NALF1: variants seen among roughly 807,000 people sequenced by gnomAD.
NALF1 encodes family with sequence similarity 155 member A.
NALF1 carries 3 observed loss-of-function variants against 48.4 expected under a neutral mutation model. The observed-to-expected ratio is 0.06, with a 90% CI of 0.03 to 0.16. The LOEUF (loss-of-function observed/expected upper bound fraction) is 0.16. Among genes scored for constraint, NALF1 ranks in the 10% least tolerant of loss-of-function variants. The pLI is 1.00. For missense variants in NALF1, 526 were observed against 571.5 expected, an observed-to-expected ratio of 0.92 and a Z score of 0.81; for synonymous variants, 262 against 245.7, an observed-to-expected ratio of 1.07 and a Z score of -0.62.
intron 1 of NALF1, among the ~76,000 whole-genome samples, chr13:107,525,410 T>G (rs904834578): frequency 1.3e-5 from 2 of 152,268 alleles, no homozygotes; most frequent in East Asian, 3.9e-4. Context: ...AGGATATGCC[T>G]TTGAGATTCA....
At chr13:107,459,753 T>C (rs1884887071) in intron 1 of NALF1, among the ~76,000 whole-genome samples, 1 of 152,086 alleles carries the variant, frequency 6.6e-6, no homozygotes, top group Non-Finnish European at 1.5e-5. Flanking sequence ...TATTTTTTAT[T>C]TTCTTGAGTC....
chr13:107,745,227 A>T (rs1474488541), intron 1 of NALF1, among the ~76,000 whole-genome samples: 1 of 152,246 alleles, frequency 6.6e-6, no homozygotes, highest in East Asian at 1.9e-4. Flanking sequence ...AAGCACCTGT[A>T]GAAAGTGACA....
At chr13:107,225,160 C>A (rs565284442) in intron 1 of NALF1, among the ~76,000 whole-genome samples, 4 of 152,124 alleles carry the variant, frequency 2.6e-5, no homozygotes, top group East Asian at 3.9e-4. Context: ...AGGCACGCAC[C>A]ACCACACCTG....
intron 2 of NALF1, among the ~76,000 whole-genome samples, chr13:107,184,618 A>G (rs1879134687): frequency 6.6e-6 from 1 of 151,786 alleles, no homozygotes; most frequent in African/African-American, 2.4e-5. Context: ...ATCTAAATTC[A>G]TTTTCATGTT....
In NALF1 at chr13:107,867,060, C is replaced by G. The variant is rs967227851; in HGVS notation, c.-464G>C. On this transcript the variant is annotated 5_prime_UTR_variant, in exon 1 of 3. Coordinates refer to ENST00000375915, the MANE Select transcript of NALF1 (RefSeq NM_001080396.3). The surrounding 1 kb of genome is among the most constrained non-coding windows in gnomAD (Gnocchi z 4.4). ...CCCCATGGCCCCGCGGAGCCCAGCC[C>G]GCTCTCCCCTGCCAGGGGCATGCCG... 5.3e-5 allele frequency among the ~76,000 whole-genome samples: 8 copies of G among 151,738 alleles called. No individual in the cohort carries two copies. The highest frequency in any genetic ancestry group is 4.4e-5 in the Non-Finnish European group (3 of 67,914).
At chr13:107,715,430 G>A (rs955559958) in intron 1 of NALF1, among the ~76,000 whole-genome samples, 10 of 152,094 alleles carry the variant, frequency 6.6e-5, no homozygotes, top group East Asian at 1.9e-4. Flanking sequence ...TTGAACTCCC[G>A]ACCTCAGGTG....
intron 1 of NALF1, among the ~76,000 whole-genome samples, chr13:107,546,854 T>A (rs1877149325): frequency 6.6e-6 from 1 of 152,126 alleles, no homozygotes; most frequent in Non-Finnish European, 1.5e-5. Context: ...GTGCCTAATA[T>A]AATAAATGCC....
At chr13:107,430,287 A>G (rs1884354779) in intron 1 of NALF1, among the ~76,000 whole-genome samples, 2 of 137,546 alleles carry the variant, frequency 1.5e-5, no homozygotes, top group Non-Finnish European at 3.2e-5. Context: ...TTAATATTTT[A>G]ACTTTTTTTT....
Position 107,866,310 on chromosome 13 carries a change from CGCTGCTGCTGCT to C in NALF1, c.275_286del (p.Gln92_Gln95del), listed in dbSNP as rs752579719. On this transcript the variant is annotated inframe_deletion, in exon 1 of 3. Coordinates refer to ENST00000375915, the MANE Select transcript of NALF1 (RefSeq NM_001080396.3). The surrounding 1 kb of genome is among the most constrained non-coding windows in gnomAD (Gnocchi z 4.4). ...GGGCCAGGAGGGCTCCTGCTGCCGCCGCTGCTGCTGCTGCTGCTGCCGCTGCCTCTGCTGCTG... is the reference window on the plus strand; with the variant it reads ...GGGCCAGGAGGGCTCCTGCTGCCGCCGCTGCTGCCGCTGCCTCTGCTGCTG... 2 of 1,602,868 alleles carry C rather than the reference CGCTGCTGCTGCT, an allele frequency of 1.2e-6. No individual in the cohort carries two copies. The highest frequency in any genetic ancestry group is 1.7e-6 in the Non-Finnish European group (2 of 1,175,572).
intron 1 of NALF1, among the ~76,000 whole-genome samples, chr13:107,403,991 T>C (rs41416347): frequency 0.039 from 5,998 of 152,188 alleles, 294 homozygotes; most frequent in Non-Finnish European, 0.05. Context: ...TTAACCTGTA[T>C]TTTCATGCAT....
chr13:107,543,558 A>G (rs963622795), intron 1 of NALF1, among the ~76,000 whole-genome samples: 2 of 152,134 alleles, frequency 1.3e-5, no homozygotes, highest in Non-Finnish European at 2.9e-5. Context: ...TAAACCCATC[A>G]CAAGTAAGAA....
chr13:107,483,356 C>T (rs1885282603), intron 1 of NALF1, among the ~76,000 whole-genome samples: 1 of 152,092 alleles, frequency 6.6e-6, no homozygotes. Flanking sequence ...TGGCTTGTCA[C>T]ATTTTAATTG....
chr13:107,859,164 G>A (rs937784697), intron 1 of NALF1, among the ~76,000 whole-genome samples: 7 of 152,176 alleles, frequency 4.6e-5, no homozygotes, highest in African/African-American at 1.4e-4. Context: ...AGGAGGAAAG[G>A]AAAACTGAGA....
At chr13:107,729,190 G>T (rs1876240837) in intron 1 of NALF1, among the ~76,000 whole-genome samples, 1 of 152,062 alleles carries the variant, frequency 6.6e-6, no homozygotes, top group South Asian at 2.1e-4. Flanking sequence ...TTTAAAAAAT[G>T]TATAAAAATA....
chr13:107,284,578 T>C (rs1291540143), intron 1 of NALF1, among the ~76,000 whole-genome samples: 1 of 75,158 alleles, frequency 1.3e-5, no homozygotes, highest in East Asian at 3.1e-4. Flanking sequence ...TGTCCCGCCC[T>C]CCCCCTCAAA....
chr13:107,476,933 A>G (rs922352480), intron 1 of NALF1, among the ~76,000 whole-genome samples: 1 of 152,112 alleles, frequency 6.6e-6, no homozygotes, highest in Non-Finnish European at 1.5e-5. Context: ...AAAATGGACA[A>G]TATTTTTTTA....
chr13:107,314,759 C>A (rs1025855266), intron 1 of NALF1, among the ~76,000 whole-genome samples: 5 of 152,128 alleles, frequency 3.3e-5, no homozygotes, highest in African/African-American at 4.8e-5. Flanking sequence ...TGGAAGGAAC[C>A]CTGTTTATTA....
chr13:107,408,127 T>C (rs539931530), intron 1 of NALF1, among the ~76,000 whole-genome samples: 2 of 151,820 alleles, frequency 1.3e-5, no homozygotes, highest in Admixed American at 6.6e-5. Context: ...AGCCTGGGAG[T>C]GCACAGGGGA....
At chr13:107,822,773 G>A (rs1005727804) in intron 1 of NALF1, among the ~76,000 whole-genome samples, 2 of 152,122 alleles carry the variant, frequency 1.3e-5, no homozygotes, top group African/African-American at 4.8e-5. Context: ...TAGCATTCTG[G>A]AAAGATATGA....
Sources: gnomAD v4.1 joint callset for allele counts (sites outside exome capture counted in the v4.1 genomes callset) on GRCh38, gnomAD v4.1.1 for gene constraint, Gnocchi (gnomAD v3.1) non-coding constraint, MANE v1.5 for transcripts, NCBI Gene and HGNC (gene_info 2026-07-23, HGNC 2026-07-21) for gene names.